Variants in TTC23 observed in about 807,000 individuals in gnomAD.
TTC23 encodes tetratricopeptide repeat protein 23.
A neutral mutation model predicts 55.1 loss-of-function variants in TTC23; 58 were observed. The ratio of observed to expected loss-of-function variants is 1.05; its 90% CI spans 0.85 to 1.31. The LOEUF (loss-of-function observed/expected upper bound fraction) is 1.31. Among genes scored for constraint, TTC23 ranks in the 50% most tolerant of loss-of-function variants. TTC23 has a pLI of 0.00. For missense variants in TTC23, 516 were observed against 534.4 expected (o/e 0.97, Z 0.34); for synonymous variants, 203 against 199.9 (o/e 1.02, Z -0.13).
intron 12 of TTC23, chr15:99,144,839 A>G (rs1433091293): frequency 1.3e-5 from 2 of 152,220 alleles, no homozygotes; most frequent in African/African-American, 4.8e-5. Context: ...CTTTATACAC[A>G]TTATCCAATG....
At chr15:99,247,688 G>A (rs2080369344) in intron 1 of TTC23, among the ~76,000 whole-genome samples, 1 of 152,070 alleles carries the variant, frequency 6.6e-6, no homozygotes, top group Non-Finnish European at 1.5e-5. Context: ...GATTGGGGCT[G>A]GGGATAGGAA....
At chr15:99,166,451 GA>G (rs1216216276) in intron 10 of TTC23, among the ~76,000 whole-genome samples, 1 of 152,166 alleles carries the variant, frequency 6.6e-6, no homozygotes, top group Non-Finnish European at 1.5e-5. Flanking sequence ...CAGACTTACG[GA>G]CGCCCAGTCA....
intron 8 of TTC23, among the ~76,000 whole-genome samples, chr15:99,208,910 C>T (rs149910925): frequency 1.2e-3 from 182 of 152,072 alleles, no homozygotes; most frequent in African/African-American, 3.5e-3. Context: ...GGCTACCTGC[C>T]AGGGATGATT....
chr15:99,210,786 G>A (rs906323451), intron 8 of TTC23, among the ~76,000 whole-genome samples: 1 of 152,128 alleles, frequency 6.6e-6, no homozygotes, highest in African/African-American at 2.4e-5. Flanking sequence ...AAGAGCAAAG[G>A]TTATTATTGA....
At chr15:99,190,083 A>G (rs534482604) in intron 9 of TTC23, among the ~76,000 whole-genome samples, 246 of 152,146 alleles carry the variant, frequency 1.6e-3, no homozygotes, top group African/African-American at 5.7e-3. Context: ...TAAAGGGCTG[A>G]AGCAGGAGGA....
At chr15:99,208,026 T>C (rs2076760525) in intron 8 of TTC23, among the ~76,000 whole-genome samples, 1 of 152,100 alleles carries the variant, frequency 6.6e-6, no homozygotes, top group South Asian at 2.1e-4. Flanking sequence ...GAAAGTAGTG[T>C]TTACAGTAGT....
At position 99,139,298 on chromosome 15, in the gene TTC23, G is replaced by A; in HGVS notation, c.1226+19C>T. The A allele has an allele frequency of 6.2e-7, 1 of 1,609,264 alleles. No individual in the cohort carries two copies. Among genetic ancestry groups the A allele is most frequent in the Non-Finnish European group, 8.5e-7 (1 of 1,179,904 alleles). On this transcript the variant is annotated intron_variant, in intron 13 of 13. Transcript: ENST00000394132. Reference sequence around the variant, plus strand: ...GGAAAGGGAATGAGATAGAGAAAGTGTGAGGGACGCCAACTCACGTGGACA... The same window carrying A: ...GGAAAGGGAATGAGATAGAGAAAGTATGAGGGACGCCAACTCACGTGGACA...
At chr15:99,178,604 CAA>C (rs2073830842) in intron 9 of TTC23, among the ~76,000 whole-genome samples, 5 of 152,146 alleles carry the variant, frequency 3.3e-5, no homozygotes, top group Non-Finnish European at 7.3e-5. Context: ...ATGTGAACTA[CAA>C]AAATGTAGGA....
chr15:99,238,020 C>G (rs1041030688), intron 3 of TTC23, among the ~76,000 whole-genome samples: 1 of 152,180 alleles, frequency 6.6e-6, no homozygotes, highest in Non-Finnish European at 1.5e-5. Context: ...GGCTGGAGTA[C>G]AGTGGCACGA....
chr15:99,195,478 C>T (rs1223213324), intron 9 of TTC23, among the ~76,000 whole-genome samples: 1 of 152,154 alleles, frequency 6.6e-6, no homozygotes, highest in Non-Finnish European at 1.5e-5. Context: ...GTGACAGAAA[C>T]TCTCGTTCAT....
In TTC23 at chr15:99,235,016, G is replaced by A. The variant is rs2079198363; in HGVS notation, c.-49C>T. 6.6e-6 allele frequency: 1 copy of A among 151,914 alleles called. No individual in the cohort carries two copies. Among genetic ancestry groups the A allele is most frequent in the Non-Finnish European group, 1.5e-5 (1 of 68,038 alleles). 9.4% of individuals were successfully genotyped at this position (151,914 alleles called of 1,614,324 possible). ...TAATCCCAGCACTCTGGGAGGTGGAGGCGGGAGGGTCACCTCAGCTCAGGA... is the reference window on the plus strand; with the variant it reads ...TAATCCCAGCACTCTGGGAGGTGGAAGCGGGAGGGTCACCTCAGCTCAGGA... On this transcript the variant is annotated 5_prime_UTR_variant, in exon 4 of 14. Coordinates refer to ENST00000394132, the MANE Select transcript of TTC23 (RefSeq NM_001288615.3).
chr15:99,194,809 C>T (rs1377441847), intron 9 of TTC23, among the ~76,000 whole-genome samples: 2 of 152,166 alleles, frequency 1.3e-5, no homozygotes, highest in Admixed American at 6.5e-5. Flanking sequence ...GTGGCACATG[C>T]CTGTAATCCC....
intron 9 of TTC23, among the ~76,000 whole-genome samples, chr15:99,198,473 C>T (rs2151988023): frequency 6.6e-6 from 1 of 152,310 alleles, no homozygotes; most frequent in African/African-American, 2.4e-5. Context: ...CTAGTTCAAG[C>T]TACCATCATT....
At chr15:99,203,565 TA>T (rs2076364685) in intron 8 of TTC23, among the ~76,000 whole-genome samples, 1 of 152,114 alleles carries the variant, frequency 6.6e-6, no homozygotes, top group African/African-American at 2.4e-5. Flanking sequence ...CATTAGGTCT[TA>T]TTCCCATTAT....
At chr15:99,225,406 G>A (rs1471435226) in intron 5 of TTC23, among the ~76,000 whole-genome samples, 5 of 152,138 alleles carry the variant, frequency 3.3e-5, no homozygotes, top group Admixed American at 3.3e-4. Context: ...GTTTAAAGAT[G>A]AAGGAGTCTA....
chr15:99,239,270 A>C (rs2079567992), intron 3 of TTC23, among the ~76,000 whole-genome samples: 1 of 152,164 alleles, frequency 6.6e-6, no homozygotes, highest in Non-Finnish European at 1.5e-5. Context: ...GCAGATCACA[A>C]GGTCAGGAGT....
chr15:99,206,913 T>A (rs1252353735), intron 8 of TTC23, among the ~76,000 whole-genome samples: 1 of 152,180 alleles, frequency 6.6e-6, no homozygotes, highest in Non-Finnish European at 1.5e-5. Context: ...TTTGAAGGTT[T>A]TCTACTTTTT....
chr15:99,181,632 C>T (rs1419022976), intron 9 of TTC23, among the ~76,000 whole-genome samples: 2 of 152,294 alleles, frequency 1.3e-5, no homozygotes, highest in Admixed American at 6.5e-5. Context: ...TGAGCTAACA[C>T]CCTTACGTAA....
intron 9 of TTC23, among the ~76,000 whole-genome samples, chr15:99,197,615 A>C (rs993123995): frequency 3.9e-5 from 6 of 151,908 alleles, no homozygotes; most frequent in Non-Finnish European, 8.8e-5. Flanking sequence ...GTATCAAAAA[A>C]GGGAGGGAGG....
Sources: allele counts gnomAD v4.1 joint callset (sites outside exome capture counted in the v4.1 genomes callset), GRCh38; gene constraint gnomAD v4.1.1; transcripts MANE v1.5; gene names NCBI Gene and HGNC (gene_info 2026-07-23, HGNC 2026-07-21).